ADAM22: variants seen among roughly 807,000 people sequenced by gnomAD.
ADAM22 encodes the protein ADAM metallopeptidase domain 22, also known as disintegrin and metalloproteinase domain-containing protein 22.
A neutral mutation model predicts 144.6 loss-of-function variants in ADAM22; 65 were observed. The ratio of observed to expected loss-of-function variants is 0.45; its 90% confidence interval spans 0.37 to 0.55. The LOEUF is 0.55. ADAM22 is among the 20% of genes least tolerant of loss of function. The pLI is 0.00. For synonymous variants in ADAM22, 391 were observed against 412.6 expected, an observed-to-expected ratio of 0.95 and a Z score of 0.63; for missense variants, 974 against 1,184.9, an observed-to-expected ratio of 0.82 and a Z score of 2.61.
At chr7:87,967,011 A>T (rs1402460562) in intron 2 of ADAM22, among the ~76,000 whole-genome samples, 1 of 151,924 alleles carries the variant, frequency 6.6e-6, no homozygotes, top group East Asian at 1.9e-4. Context: ...ATAGTGAGTG[A>T]GTTCTCACGA....
At chr7:87,967,611 C>G (rs1351187610) in intron 2 of ADAM22, among the ~76,000 whole-genome samples, 2 of 151,768 alleles carry the variant, frequency 1.3e-5, no homozygotes, top group Non-Finnish European at 2.9e-5. Context: ...GAGTTCGAGA[C>G]CAGCCTTCCC....
chr7:88,193,331 C>A, intron 31 of ADAM22, 92 bp downstream of exon 31: 1 of 1,379,164 alleles, frequency 7.3e-7, no homozygotes, highest in Non-Finnish European at 9.6e-7. Flanking sequence ...ATTTTTCCTC[C>A]CTTGTTCCTA....
chr7:88,046,533 C>T (rs1804738728), intron 3 of ADAM22, among the ~76,000 whole-genome samples: 1 of 152,176 alleles, frequency 6.6e-6, no homozygotes, highest in African/African-American at 2.4e-5. Context: ...TCTCTTCATT[C>T]TGTTGATTGT....
chr7:87,943,366 A>G (rs897904587), intron 2 of ADAM22, among the ~76,000 whole-genome samples: 1 of 151,888 alleles, frequency 6.6e-6, no homozygotes, highest in African/African-American at 2.4e-5. Flanking sequence ...AGACATCAAC[A>G]TAAAATAATC....
intron 2 of ADAM22, among the ~76,000 whole-genome samples, chr7:87,969,720 G>A (rs1183564604): frequency 4.6e-5 from 7 of 152,182 alleles, no homozygotes; most frequent in South Asian, 2.1e-4. Flanking sequence ...GCTCTTTAAA[G>A]TTTGTTCTTT....
chr7:88,096,570 T>C lies in ADAM22; in HGVS notation c.391-11606T>C, dbSNP rs181572596. ...CATAAATTATTTATATTTTTAGAAA[T>C]AATATAATATTTTAAAAAATTGTAT... On this transcript the variant is annotated intron_variant, in intron 4 of 31. Transcript: ENST00000413139. Among the ~76,000 whole-genome samples the C allele has an allele frequency of 2.2e-4, 33 of 151,226 alleles. No individual in the cohort carries two copies. In the East Asian group the frequency reaches 6.0e-3, roughly 27 times the overall value.
chr7:88,142,958 A>G (rs1038241510), intron 14 of ADAM22, 68 bp from the exon 15 acceptor site: 3 of 955,850 alleles, frequency 3.1e-6, no homozygotes, highest in Non-Finnish European at 5.0e-6. Flanking sequence ...TTAAGTCTTC[A>G]GTTTTCAGAC....
At chr7:87,969,142 A>G (rs375761115) in intron 2 of ADAM22, among the ~76,000 whole-genome samples, 1 of 152,234 alleles carries the variant, frequency 6.6e-6, no homozygotes, top group South Asian at 2.1e-4. Context: ...CATATCACCA[A>G]AGAAGTCTAA....
intron 8 of ADAM22, 125 bp from the exon 9 acceptor site, chr7:88,128,477 T>C: frequency 1.4e-6 from 1 of 731,116 alleles, no homozygotes. Context: ...TGATGAAAAA[T>C]TTTTTAAATG....
chr7:87,950,982 G>A (rs1245296780), intron 2 of ADAM22, among the ~76,000 whole-genome samples: 2 of 152,002 alleles, frequency 1.3e-5, no homozygotes, highest in African/African-American at 2.4e-5. Flanking sequence ...TTTTTGATGG[G>A]GTTGTTTGTT....
chr7:88,169,129 T>G (rs181227221), intron 25 of ADAM22, among the ~76,000 whole-genome samples: 1 of 152,274 alleles, frequency 6.6e-6, no homozygotes, highest in East Asian at 1.9e-4. Flanking sequence ...ATCTTTATAG[T>G]GTACATGGTA....
At chr7:88,138,487 G>C (rs1017679157) in intron 14 of ADAM22, among the ~76,000 whole-genome samples, 6 of 152,138 alleles carry the variant, frequency 3.9e-5, no homozygotes, top group African/African-American at 1.4e-4. Flanking sequence ...GCTATAATTT[G>C]ATTGCACCAA....
intron 4 of ADAM22, among the ~76,000 whole-genome samples, chr7:88,101,168 A>G (rs1211279730): frequency 6.6e-6 from 1 of 151,692 alleles, no homozygotes; most frequent in African/African-American, 2.4e-5. Context: ...GTATGGGGTG[A>G]GGCTGTGAAT....
intron 3 of ADAM22, among the ~76,000 whole-genome samples, chr7:88,027,199 G>A (rs1585102405): frequency 6.6e-6 from 1 of 151,810 alleles, no homozygotes; most frequent in African/African-American, 2.4e-5. Flanking sequence ...TTCTTTTTTT[G>A]ACACATTTTT....
At chr7:88,084,230 G>A (rs1470405505) in intron 4 of ADAM22, among the ~76,000 whole-genome samples, 1 of 152,040 alleles carries the variant, frequency 6.6e-6, no homozygotes, top group Non-Finnish European at 1.5e-5. Flanking sequence ...GGATCTTAAG[G>A]CTCCTTGGGT....
chr7:88,145,618 ATGAG>A, intron 17 of ADAM22, 111 bp downstream of exon 17: 2 of 814,612 alleles, frequency 2.5e-6, no homozygotes, highest in Non-Finnish European at 3.8e-6. Flanking sequence ...CATATATTAA[ATGAG>A]TAAGTGCCAG....
chr7:88,160,921 A>G (rs1841436348), intron 22 of ADAM22, among the ~76,000 whole-genome samples: 1 of 152,058 alleles, frequency 6.6e-6, no homozygotes, highest in South Asian at 2.1e-4. Context: ...CAATGAGAAC[A>G]CTTGGACACA....
At chr7:88,047,205 G>A (rs1162741585) in intron 3 of ADAM22, among the ~76,000 whole-genome samples, 1 of 152,158 alleles carries the variant, frequency 6.6e-6, no homozygotes, top group Non-Finnish European at 1.5e-5. Context: ...AATGCTAGCT[G>A]GTGGTATTAT....
At chr7:87,966,663 T>A (rs1353906630) in intron 2 of ADAM22, among the ~76,000 whole-genome samples, 1 of 145,124 alleles carries the variant, frequency 6.9e-6, no homozygotes, top group Non-Finnish European at 1.5e-5. Flanking sequence ...GAACTGGAAA[T>A]GTAGCAAGGT....
Sources: allele counts gnomAD v4.1 joint callset (sites outside exome capture counted in the v4.1 genomes callset), GRCh38; gene constraint gnomAD v4.1.1; transcripts MANE v1.5; gene names NCBI Gene and HGNC (gene_info 2026-07-23, HGNC 2026-07-21).